PCDH15: variants seen among roughly 807,000 people sequenced by gnomAD.
PCDH15 encodes the protein protocadherin related 15, also known as protocadherin-15.
PCDH15 carries 129 observed loss-of-function variants against 178.5 expected under a neutral mutation model. The ratio of observed to expected loss-of-function variants is 0.72; its 90% confidence interval spans 0.63 to 0.84. PCDH15 has a LOEUF of 0.84. PCDH15 is among the 40% of genes least tolerant of loss of function. PCDH15 has a pLI of 0.00. For missense variants in PCDH15, 2,230 were observed against 2,099.9 expected, an observed-to-expected ratio of 1.06 and a Z score of -1.21; for synonymous variants, 800 against 732.0, an observed-to-expected ratio of 1.09 and a Z score of -1.50.
chr10:55,462,642 T>C (rs2132094417), intron 2 of PCDH15, among the ~76,000 whole-genome samples: 1 of 152,262 alleles, frequency 6.6e-6, no homozygotes, highest in African/African-American at 2.4e-5. Flanking sequence ...CCTATATATA[T>C]TGTGCCTATT....
chr10:54,065,746 A>C (rs2135799565), intron 18 of PCDH15, among the ~76,000 whole-genome samples: 1 of 152,364 alleles, frequency 6.6e-6, no homozygotes, highest in South Asian at 2.1e-4. Flanking sequence ...AGTGATCTAA[A>C]GGAAAAAATG....
At chr10:53,846,287 G>T (rs1016425399) in intron 28 of PCDH15, among the ~76,000 whole-genome samples, 2 of 151,740 alleles carry the variant, frequency 1.3e-5, no homozygotes, top group Admixed American at 1.3e-4. Flanking sequence ...ACATTTTAAG[G>T]CTATATTGTT....
intron 16 of PCDH15, among the ~76,000 whole-genome samples, chr10:54,085,984 C>T (rs923969715): frequency 6.6e-6 from 1 of 151,982 alleles, no homozygotes; most frequent in Non-Finnish European, 1.5e-5. Flanking sequence ...AAATATAACC[C>T]AAATAGCATA....
chr10:54,210,557 G>A (rs763802159), intron 10 of PCDH15, among the ~76,000 whole-genome samples: 1 of 152,034 alleles, frequency 6.6e-6, no homozygotes, highest in Admixed American at 6.6e-5. Flanking sequence ...TATGCCTTTC[G>A]AGGGCAAATG....
intron 36 of PCDH15, 140 bp from the exon 37 acceptor site, chr10:53,810,804 T>C: frequency 1.3e-6 from 1 of 767,210 alleles, no homozygotes; most frequent in East Asian, 2.6e-5. Flanking sequence ...CCTTGTAAAC[T>C]AGTTACAAAA....
At chr10:54,300,815 C>G (rs1456527447) in intron 8 of PCDH15, among the ~76,000 whole-genome samples, 1 of 152,148 alleles carries the variant, frequency 6.6e-6, no homozygotes, top group Admixed American at 6.5e-5. Flanking sequence ...CACTAATCAG[C>G]GCTCTGTAAA....
intron 1 of PCDH15, among the ~76,000 whole-genome samples, chr10:55,182,043 T>TGG (rs1200102960): frequency 1.3e-5 from 2 of 151,904 alleles, no homozygotes; most frequent in Admixed American, 1.3e-4. Flanking sequence ...AACCGTGTCT[T>TGG]GTTCTCAGCA....
chr10:55,438,902 T>G (rs1165596730), intron 2 of PCDH15, among the ~76,000 whole-genome samples: 1 of 150,812 alleles, frequency 6.6e-6, no homozygotes, highest in African/African-American at 2.4e-5. Flanking sequence ...TTTATTATAT[T>G]TATTTATTTT....
intron 3 of PCDH15, among the ~76,000 whole-genome samples, chr10:54,831,876 A>T (rs542597461): frequency 1.3e-5 from 2 of 152,278 alleles, no homozygotes; most frequent in East Asian, 3.9e-4. Context: ...AAACAGCCTC[A>T]AATTTAAGAC....
chr10:54,537,612 G>T lies in PCDH15; in HGVS notation c.92-9735C>A, dbSNP rs2084724731. On this transcript the variant is annotated intron_variant, in intron 2 of 37. Transcript: ENST00000644397. ...GCTTCATTCCTAGGATGCAAGATTGGTTCAATGTATGCAATTCAATAATTG... is the reference window on the plus strand; with the variant it reads ...GCTTCATTCCTAGGATGCAAGATTGTTTCAATGTATGCAATTCAATAATTG... 2.0e-5 allele frequency among the ~76,000 whole-genome samples: 3 copies of T among 152,156 alleles called. No individual in the cohort carries two copies. The South Asian group carries it at 6.2e-4, about 32-fold the overall frequency.
At chr10:54,724,103 A>C (rs1157085919) in intron 1 of PCDH15, among the ~76,000 whole-genome samples, 1 of 151,750 alleles carries the variant, frequency 6.6e-6, no homozygotes, top group African/African-American at 2.4e-5. Context: ...GTTCAACACA[A>C]TACTACTCAT....
At chr10:55,574,800 G>T (rs879933340) in intron 2 of PCDH15, among the ~76,000 whole-genome samples, 2 of 151,772 alleles carry the variant, frequency 1.3e-5, no homozygotes, top group Admixed American at 6.6e-5. Flanking sequence ...ACTCTATGAG[G>T]GTGGATATTA....
At chr10:54,485,537 T>A (rs879820085) in intron 3 of PCDH15, among the ~76,000 whole-genome samples, 1 of 151,970 alleles carries the variant, frequency 6.6e-6, no homozygotes, top group Admixed American at 6.6e-5. Flanking sequence ...TCATCTCTGC[T>A]CCCTGAAAGC....
At chr10:53,871,084 A>G (rs1318952904) in intron 26 of PCDH15, among the ~76,000 whole-genome samples, 1 of 151,934 alleles carries the variant, frequency 6.6e-6, no homozygotes, top group African/African-American at 2.4e-5. Context: ...CTGTAATCTC[A>G]GCACTTTAGG....
At chr10:54,985,093 A>G (rs2131909254) in intron 2 of PCDH15, among the ~76,000 whole-genome samples, 1 of 152,304 alleles carries the variant, frequency 6.6e-6, no homozygotes, top group Admixed American at 6.5e-5. Context: ...AACCACGTGT[A>G]AAAATGAAGA....
At chr10:54,664,010 T>C (rs1443258289) in intron 2 of PCDH15, among the ~76,000 whole-genome samples, 162 bp downstream of exon 2, 1 of 152,036 alleles carries the variant, frequency 6.6e-6, no homozygotes, top group African/African-American at 2.4e-5. Context: ...ACATCTGATT[T>C]CACTTTTCTA....
intron 3 of PCDH15, among the ~76,000 whole-genome samples, chr10:54,852,379 T>C (rs1953637985): frequency 1.3e-5 from 2 of 152,116 alleles, no homozygotes; most frequent in African/African-American, 2.4e-5. Flanking sequence ...AAGTGATTAC[T>C]GCAATAGAAG....
chr10:54,190,775 A>G (rs1018994236), intron 11 of PCDH15, among the ~76,000 whole-genome samples: 7 of 152,226 alleles, frequency 4.6e-5, no homozygotes, highest in Admixed American at 6.5e-5. Flanking sequence ...TTTTCTTTTC[A>G]TAATACAGAT....
At chr10:53,927,925 A>G (rs1346217567) in intron 25 of PCDH15, among the ~76,000 whole-genome samples, 1 of 152,142 alleles carries the variant, frequency 6.6e-6, no homozygotes, top group Non-Finnish European at 1.5e-5. Context: ...CAAAAATGAG[A>G]TGACCTTTAA....
Sources: allele counts gnomAD v4.1 joint callset (sites outside exome capture counted in the v4.1 genomes callset), GRCh38; gene constraint gnomAD v4.1.1; transcripts MANE v1.5; gene names NCBI Gene and HGNC (gene_info 2026-07-23, HGNC 2026-07-21).